The following CRY1 variants were observed in gnomAD, a reference collection of about 807,000 sequenced individuals.
The protein encoded by CRY1 is cryptochrome circadian regulator 1, also known as cryptochrome-1.
CRY1 carries 45 observed loss-of-function variants against 76.0 expected under a neutral mutation model. The ratio of observed to expected loss-of-function variants is 0.59; its 90% confidence interval spans 0.47 to 0.76. The LOEUF (loss-of-function observed/expected upper bound fraction) is 0.76, where lower values mean the gene tolerates loss of function less well. CRY1 is among the 30% of genes least tolerant of loss of function. CRY1 has a pLI of 0.00. For synonymous variants in CRY1, 248 were observed against 244.0 expected (o/e 1.02, Z -0.15); for missense variants, 587 against 716.4 (o/e 0.82, Z 2.06).
At chr12:107,007,477 A>G (rs891439506) in intron 2 of CRY1, among the ~76,000 whole-genome samples, 1 of 152,132 alleles carries the variant, frequency 6.6e-6, no homozygotes, top group African/African-American at 2.4e-5. Context: ...AGTGTTTAGG[A>G]CAGAGCACAA....
intron 1 of CRY1, among the ~76,000 whole-genome samples, chr12:107,064,869 A>C (rs1953092345): frequency 6.6e-6 from 1 of 152,252 alleles, no homozygotes; most frequent in African/African-American, 2.4e-5. Flanking sequence ...CCACCAGATT[A>C]TCATGCTAAT....
intron 1 of CRY1, among the ~76,000 whole-genome samples, chr12:107,087,262 G>C (rs1201134956): frequency 6.6e-6 from 1 of 150,736 alleles, no homozygotes; most frequent in East Asian, 1.9e-4. Flanking sequence ...ATGTGGGAGG[G>C]AGTGGAAAGT....
At chr12:107,059,163 C>T (rs554028619) in intron 1 of CRY1, among the ~76,000 whole-genome samples, 1 of 152,094 alleles carries the variant, frequency 6.6e-6, no homozygotes, top group Non-Finnish European at 1.5e-5. Context: ...ACATAATGTG[C>T]CTAATATTTT....
intron 1 of CRY1, among the ~76,000 whole-genome samples, chr12:107,083,012 C>T (rs530539908): frequency 1.3e-5 from 2 of 152,094 alleles, no homozygotes; most frequent in African/African-American, 4.8e-5. Flanking sequence ...AAAGGGATAT[C>T]ACCACTGATC....
Position 107,049,429 on chromosome 12 carries a change from C to T in CRY1, c.159-27237G>A, listed in dbSNP as rs1696727492. Reference sequence around the variant, plus strand: ...TCATTCTGTTGGCCAGGCCAGAGTGCAGTAGTGCGATCTTGGCTCACTGCA... The same window carrying T: ...TCATTCTGTTGGCCAGGCCAGAGTGTAGTAGTGCGATCTTGGCTCACTGCA... On this transcript the variant is annotated intron_variant, in intron 1 of 12. Coordinates refer to ENST00000008527, the MANE Select transcript of CRY1 (RefSeq NM_004075.5). 2.0e-5 allele frequency among the ~76,000 whole-genome samples: 3 copies of T among 152,108 alleles called. No individual in the cohort carries two copies. The South Asian group carries it at 6.2e-4, about 32-fold the overall frequency.
intron 1 of CRY1, among the ~76,000 whole-genome samples, chr12:107,091,244 C>T (rs1460354824): frequency 6.6e-6 from 1 of 152,024 alleles, no homozygotes; most frequent in Non-Finnish European, 1.5e-5. Context: ...CAGGGTTTTG[C>T]CACGATGGCC....
intron 1 of CRY1, among the ~76,000 whole-genome samples, chr12:107,038,668 G>T (rs1253542441): frequency 6.6e-6 from 1 of 152,224 alleles, no homozygotes; most frequent in Non-Finnish European, 1.5e-5. Flanking sequence ...TCAGTGAAAT[G>T]ATAGAATAGG....
intron 1 of CRY1, among the ~76,000 whole-genome samples, chr12:107,087,349 A>G (rs1394628541): frequency 1.3e-5 from 2 of 152,204 alleles, no homozygotes; most frequent in African/African-American, 4.8e-5. Flanking sequence ...GACAGACATT[A>G]GACTCCAATC....
chr12:107,030,337 C>T (rs370479518), intron 1 of CRY1, among the ~76,000 whole-genome samples: 1 of 152,030 alleles, frequency 6.6e-6, no homozygotes, highest in East Asian at 1.9e-4. Context: ...ATTTCCATAC[C>T]CAGGTAAACA....
chr12:107,001,805 T>G lies in CRY1; in HGVS notation c.554A>C (p.Asp185Ala). Residue 185 changes from aspartate (D) to alanine (A), a missense_variant, in exon 4 of 13, where the codon GAC becomes GCC. Transcript: ENST00000008527. ...IEKCTTPLSD[D>A]HDEKYGVPSL... ...AGGGACTCCATATTTCTCATCATGG[T>G]CATCAGACAGAGGAGTTGTGCACTT... is the stretch of plus-strand genomic sequence containing the variant. The G allele has an allele frequency of 6.3e-7, 1 of 1,584,208 alleles. No individual in the cohort carries two copies. The highest frequency in any genetic ancestry group is 8.5e-7 in the Non-Finnish European group (1 of 1,172,778).
intron 2 of CRY1, among the ~76,000 whole-genome samples, chr12:107,020,590 T>C (rs1456979023): frequency 6.6e-6 from 1 of 151,958 alleles, no homozygotes; most frequent in African/African-American, 2.4e-5. Context: ...CTCTTCCTCC[T>C]GCTCTGGCCA....
chr12:106,997,213 TG>T (rs1952242436), intron 10 of CRY1, 80 bp downstream of exon 10: 2 of 1,231,894 alleles, frequency 1.6e-6, no homozygotes, highest in Non-Finnish European at 2.4e-6. Flanking sequence ...TTATAAAATA[TG>T]TTAGTGAGGA....
chr12:107,001,896 T>C lies in CRY1; in HGVS notation c.463A>G (p.Thr155Ala), dbSNP rs764174057. Residue 155 changes from threonine (T) to alanine (A), a missense_variant, in exon 4 of 13, where the codon ACT becomes GCT. Thr to Ala is a moderately conservative substitution (Grantham distance 58). Coordinates refer to ENST00000008527, the MANE Select transcript of CRY1 (RefSeq NM_004075.5). Reference sequence around the variant, plus strand: ...AGTGGTTCCATTTTGCTGATGAGAGTCTGGAATCTTTTATAAGTTAGAGGC... The same window carrying C: ...AGTGGTTCCATTTTGCTGATGAGAGCCTGGAATCTTTTATAAGTTAGAGGC... Reference protein sequence around the residue: ...QPPLTYKRFQTLISKMEPLEI... With the variant: ...QPPLTYKRFQALISKMEPLEI... 2 of 1,599,934 alleles carry C rather than the reference T, an allele frequency of 1.3e-6. No individual in the cohort carries two copies. The highest frequency in any genetic ancestry group is 3.6e-5 in the Admixed American group (2 of 55,810).
chr12:107,066,095 G>A (rs1953106727), intron 1 of CRY1, among the ~76,000 whole-genome samples: 1 of 152,158 alleles, frequency 6.6e-6, no homozygotes, highest in African/African-American at 2.4e-5. Context: ...GGAATAAAGT[G>A]AATATTATTT....
chr12:107,022,265 T>C (rs1952568003), intron 1 of CRY1, 73 bp from the exon 2 acceptor site: 6 of 928,106 alleles, frequency 6.5e-6, no homozygotes, highest in Non-Finnish European at 9.3e-6. Context: ...TACAAAGTCA[T>C]GTTATTCTAA....
chr12:107,005,577 C>T lies in CRY1; in HGVS notation c.268-329G>A, dbSNP rs1952364188. On this transcript the variant is annotated intron_variant, in intron 2 of 12. Coordinates refer to ENST00000008527, the MANE Select transcript of CRY1 (RefSeq NM_004075.5). ...ATTTCATTTGAGCCTCAAAACAACA[C>T]TCAGAGTTTGGCACTTTGGTTAGTA... Among the ~76,000 whole-genome samples the T allele has an allele frequency of 2.6e-5, 4 of 152,302 alleles. No homozygotes were observed. The South Asian group carries it at 8.3e-4, about 32-fold the overall frequency.
intron 2 of CRY1, 62 bp from the exon 3 acceptor site, chr12:107,005,310 C>T (rs537581398): frequency 2.0e-5 from 30 of 1,483,082 alleles, no homozygotes; most frequent in South Asian, 1.1e-4. Flanking sequence ...TCTATTATAA[C>T]GAAAAGTGAA....
intron 1 of CRY1, among the ~76,000 whole-genome samples, chr12:107,089,922 A>G (rs1953450654): frequency 6.6e-6 from 1 of 152,216 alleles, no homozygotes; most frequent in Non-Finnish European, 1.5e-5. Flanking sequence ...AGTGATTCCA[A>G]AAAGACTTTT....
At chr12:107,023,303 T>C (rs951864753) in intron 1 of CRY1, among the ~76,000 whole-genome samples, 1 of 152,216 alleles carries the variant, frequency 6.6e-6, no homozygotes, top group African/African-American at 2.4e-5. Context: ...AAAAGGCACA[T>C]GTAGCCATTT....
Sources: gnomAD v4.1 joint callset for allele counts (sites outside exome capture counted in the v4.1 genomes callset) on GRCh38, gnomAD v4.1.1 for gene constraint, MANE v1.5 for transcripts, NCBI Gene and HGNC (gene_info 2026-07-23, HGNC 2026-07-21) for gene names.